The following TUSC3 variants were observed in gnomAD, a reference collection of about 807,000 sequenced individuals.
The protein encoded by TUSC3 is dolichyl-diphosphooligosaccharide--protein glycosyltransferase subunit TUSC3.
A neutral mutation model predicts 44.8 loss-of-function variants in TUSC3; 45 were observed. The observed-to-expected ratio is 1.00, with a 90% CI of 0.79 to 1.29. The LOEUF (loss-of-function observed/expected upper bound fraction) is 1.29. Ranked by LOEUF, TUSC3 falls within the 50% of genes most tolerant of loss-of-function variation. The pLI, the probability that TUSC3 is intolerant of heterozygous loss-of-function variation, is 0.00. For missense variants in TUSC3, 519 were observed against 437.9 expected, an observed-to-expected ratio of 1.19 and a Z score of -1.65; for synonymous variants, 212 against 152.9, an observed-to-expected ratio of 1.39 and a Z score of -2.85.
chr8:15,707,160 C>G (rs2129197969), intron 6 of TUSC3, among the ~76,000 whole-genome samples: 1 of 152,016 alleles, frequency 6.6e-6, no homozygotes, highest in East Asian at 1.9e-4. Context: ...GAGAGTTAGT[C>G]ACTTTCATAA....
intron 1 of TUSC3, among the ~76,000 whole-genome samples, chr8:15,453,479 G>C (rs1164136156): frequency 6.6e-6 from 1 of 152,068 alleles, no homozygotes; most frequent in Admixed American, 6.5e-5. Flanking sequence ...TCAGGCTTTT[G>C]AGTCTTGTCA....
intron 2 of TUSC3, among the ~76,000 whole-genome samples, chr8:15,494,919 C>T (rs1370357987): frequency 1.4e-5 from 2 of 142,378 alleles, no homozygotes; most frequent in Non-Finnish European, 3.3e-5. Context: ...TACCTGGGGC[C>T]ATTTTTAAAC....
intron 2 of TUSC3, among the ~76,000 whole-genome samples, chr8:15,488,278 C>G (rs1185274007): frequency 6.6e-6 from 1 of 151,630 alleles, no homozygotes; most frequent in Non-Finnish European, 1.5e-5. Context: ...ATCCAAATTG[C>G]TTGAGCTCAG....
chr8:15,697,997 C>A (rs765446893), intron 6 of TUSC3, among the ~76,000 whole-genome samples: 1 of 152,076 alleles, frequency 6.6e-6, no homozygotes, highest in Non-Finnish European at 1.5e-5. Context: ...TTGGTTTACC[C>A]CAAACTGTGT....
chr8:15,528,614 G>A (rs951119231), intron 2 of TUSC3, among the ~76,000 whole-genome samples: 8 of 152,140 alleles, frequency 5.3e-5, no homozygotes, highest in Non-Finnish European at 8.8e-5. Context: ...CTGGCTTCAC[G>A]GCTACCTTTC....
chr8:15,564,782 C>G (rs7357388), intron 1 of TUSC3, among the ~76,000 whole-genome samples: 11 of 152,118 alleles, frequency 7.2e-5, no homozygotes, highest in Admixed American at 6.5e-4. Context: ...CAAGATTTCC[C>G]CACGCTTGTG....
intron 2 of TUSC3, among the ~76,000 whole-genome samples, chr8:15,503,621 T>A (rs1800999613): frequency 6.6e-6 from 1 of 152,130 alleles, no homozygotes; most frequent in African/African-American, 2.4e-5. Context: ...GGGGGATTGC[T>A]TGAGCCCAGG....
chr8:15,591,232 A>G (rs1219912663), intron 1 of TUSC3, among the ~76,000 whole-genome samples: 1 of 151,986 alleles, frequency 6.6e-6, no homozygotes, highest in Non-Finnish European at 1.5e-5. Context: ...TTTTAATTAA[A>G]TTAGTTATTT....
chr8:15,688,997 A>G (rs565824039), intron 6 of TUSC3: 9 of 253,122 alleles, frequency 3.6e-5, no homozygotes, highest in Middle Eastern at 1.0e-3. Context: ...ACTTGGGGTT[A>G]CAGTCAAACA....
At chr8:15,543,910 TTGTGTGTGTG>T (rs34091995) in intron 1 of TUSC3, among the ~76,000 whole-genome samples, 1 of 148,812 alleles carries the variant, frequency 6.7e-6, no homozygotes, top group African/African-American at 2.5e-5. Context: ...TCCCATGGAT[TTGTGTGTGTG>T]TGTGTGTGTG....
chr8:15,674,776 A>G (rs567609677), intron 6 of TUSC3, among the ~76,000 whole-genome samples: 1 of 152,172 alleles, frequency 6.6e-6, no homozygotes, highest in African/African-American at 2.4e-5. Flanking sequence ...AGTTTTTGCT[A>G]TATTTATATG....
At chr8:15,540,672 G>T (rs982842048) in intron 1 of TUSC3, 104 bp downstream of exon 1, 4 of 1,400,722 alleles carry the variant, frequency 2.9e-6, no homozygotes, top group Non-Finnish European at 2.8e-6. Context: ...GGTCGCCGGC[G>T]TGGGCGATGC....
intron 1 of TUSC3, among the ~76,000 whole-genome samples, chr8:15,424,724 C>T (rs778407248): frequency 6.6e-6 from 1 of 151,960 alleles, no homozygotes; most frequent in Non-Finnish European, 1.5e-5. Flanking sequence ...ACTAAAAATA[C>T]AAAAAATTAG....
chr8:15,633,443 C>T (rs1805912370), intron 2 of TUSC3, among the ~76,000 whole-genome samples: 1 of 152,174 alleles, frequency 6.6e-6, no homozygotes, highest in South Asian at 2.1e-4. Flanking sequence ...AGGTATTCTG[C>T]ATTCTTAACC....
chr8:15,812,450 T>C, the TUSC3 span, among the ~76,000 whole-genome samples: 9 of 152,178 alleles, frequency 5.9e-5, no homozygotes, highest in Admixed American at 3.9e-4. Context: ...GTGAAGGAAA[T>C]AGTCTCAGAC....
intron 1 of TUSC3, among the ~76,000 whole-genome samples, chr8:15,476,983 G>A (rs527432380): frequency 1.5e-4 from 23 of 152,312 alleles, no homozygotes; most frequent in African/African-American, 5.5e-4. Context: ...CTATGCACAC[G>A]AAGAGTTGGA....
chr8:15,555,107 A>G (rs776420463), intron 1 of TUSC3, among the ~76,000 whole-genome samples: 37 of 144,920 alleles, frequency 2.6e-4, no homozygotes, highest in Non-Finnish European at 4.8e-4. Flanking sequence ...CTCCTTGATT[A>G]GGTACGTAGG....
At chr8:15,552,184 T>C (rs541720377) in intron 1 of TUSC3, among the ~76,000 whole-genome samples, 4 of 151,846 alleles carry the variant, frequency 2.6e-5, no homozygotes, top group Non-Finnish European at 5.9e-5. Context: ...ATGTAAGCAA[T>C]ACAAAATAAA....
At chr8:15,520,305 C>T (rs1801280229) in intron 2 of TUSC3, among the ~76,000 whole-genome samples, 1 of 152,150 alleles carries the variant, frequency 6.6e-6, no homozygotes, top group Non-Finnish European at 1.5e-5. Context: ...CAAATGAATA[C>T]TATCATACAA....
Sources: allele counts gnomAD v4.1 joint callset (sites outside exome capture counted in the v4.1 genomes callset), GRCh38; gene constraint gnomAD v4.1.1; transcripts MANE v1.5; gene names NCBI Gene and HGNC (gene_info 2026-07-23, HGNC 2026-07-21).